The following LHFPL3 variants were observed in gnomAD, a reference collection of about 807,000 sequenced individuals.
LHFPL3 encodes the protein LHFPL tetraspan subfamily member 3, also known as LHFPL tetraspan subfamily member 3 protein.
In LHFPL3, 5 loss-of-function variants were observed where a neutral mutation model predicts 19.3. That is an observed-to-expected ratio of 0.26 (90% CI 0.14 to 0.54). LHFPL3 has a LOEUF of 0.54. Among genes scored for constraint, LHFPL3 ranks in the 20% least tolerant of loss-of-function variants. The pLI is 0.94. For missense variants in LHFPL3, 249 were observed against 307.4 expected, an observed-to-expected ratio of 0.81 and a Z score of 1.42; for synonymous variants, 133 against 126.2, an observed-to-expected ratio of 1.05 and a Z score of -0.36.
At chr7:104,670,119 G>T (rs1792444326) in intron 1 of LHFPL3, among the ~76,000 whole-genome samples, 1 of 150,898 alleles carries the variant, frequency 6.6e-6, no homozygotes, top group Non-Finnish European at 1.5e-5. Flanking sequence ...AGTTTTGGGG[G>T]ACAGCCTAGA....
chr7:104,649,338 C>T (rs73181817), intron 1 of LHFPL3, among the ~76,000 whole-genome samples: 6,005 of 152,264 alleles, frequency 0.039, 137 homozygotes, highest in Middle Eastern at 0.054. Flanking sequence ...AGGAATCATG[C>T]GGTCCCACCA....
chr7:104,834,205 C>G (rs1403968370), intron 2 of LHFPL3, among the ~76,000 whole-genome samples: 1 of 151,624 alleles, frequency 6.6e-6, no homozygotes, highest in Non-Finnish European at 1.5e-5. Flanking sequence ...TGGCAATACC[C>G]TCACAGACAC....
At chr7:104,850,628 C>G (rs1346252819) in intron 2 of LHFPL3, among the ~76,000 whole-genome samples, 1 of 152,196 alleles carries the variant, frequency 6.6e-6, no homozygotes, top group African/African-American at 2.4e-5. Context: ...TTGTTCCAAA[C>G]TAGTGGTTCT....
chr7:104,735,344 T>G (rs1241128898), intron 1 of LHFPL3, among the ~76,000 whole-genome samples: 1 of 152,252 alleles, frequency 6.6e-6, no homozygotes, highest in Non-Finnish European at 1.5e-5. Flanking sequence ...GCAGGCCTCC[T>G]TGAGCTGCGG....
chr7:104,659,403 T>C (rs1792181148), intron 1 of LHFPL3, among the ~76,000 whole-genome samples: 1 of 152,152 alleles, frequency 6.6e-6, no homozygotes, highest in Admixed American at 6.5e-5. Context: ...GATCCAGACT[T>C]CCATTGTTGT....
intron 1 of LHFPL3, among the ~76,000 whole-genome samples, chr7:104,728,563 T>C (rs564109470): frequency 6.6e-6 from 1 of 152,286 alleles, no homozygotes; most frequent in East Asian, 1.9e-4. Context: ...ATATCACTTG[T>C]CTAGTTTTCA....
chr7:104,686,163 TTACC>T (rs1235292936), intron 1 of LHFPL3, among the ~76,000 whole-genome samples: 1 of 152,176 alleles, frequency 6.6e-6, no homozygotes, highest in Admixed American at 6.5e-5. Context: ...AGAGGTCCTG[TTACC>T]TACCTCAGAA....
chr7:104,632,368 A>G (rs1791659483), intron 1 of LHFPL3, among the ~76,000 whole-genome samples: 1 of 152,186 alleles, frequency 6.6e-6, no homozygotes, highest in Admixed American at 6.6e-5. Flanking sequence ...TTCAGGATGT[A>G]GACGTTGTTA....
At chr7:104,894,248 G>A (rs950440894) in intron 2 of LHFPL3, among the ~76,000 whole-genome samples, 4 of 152,138 alleles carry the variant, frequency 2.6e-5, no homozygotes, top group Admixed American at 1.3e-4. Context: ...TACCTGCCCC[G>A]TAACGGTATT....
At chr7:104,603,066 T>TTCTTTCTTTCTTTC (rs1453775700) in intron 1 of LHFPL3, among the ~76,000 whole-genome samples, 2 of 108,904 alleles carry the variant, frequency 1.8e-5, no homozygotes, top group East Asian at 3.3e-4. Context: ...CTTTCTTTCT[T>TTCTTTCTTTCTTTC]TTTCTTTCTT....
In LHFPL3 at chr7:104,833,418, TA is replaced by T. The variant is rs1562808498; in HGVS notation, c.683-72768del. Among the ~76,000 whole-genome samples the T allele has an allele frequency of 4.7e-3, 24 of 5,078 alleles. 6 individuals carry two copies. The highest frequency in any genetic ancestry group is 9.9e-3 in the African/African-American group (23 of 2,316). 3.3% of individuals were successfully genotyped at this position (5,078 alleles called of 152,430 possible). ...ATATATATTATATATATATATATAA[TA>T]TATATATATATATATGCTCCTCAAG... On this transcript the variant is annotated intron_variant, in intron 2 of 2. Transcript: ENST00000424859.
At chr7:104,798,590 T>C (rs1790178266) in intron 2 of LHFPL3, among the ~76,000 whole-genome samples, 1 of 152,218 alleles carries the variant, frequency 6.6e-6, no homozygotes, top group South Asian at 2.1e-4. Context: ...CATTTCACCT[T>C]ATAATTAGTT....
intron 1 of LHFPL3, among the ~76,000 whole-genome samples, chr7:104,518,850 A>AAATAGATAGAAAG (rs1562923378): frequency 2.7e-4 from 38 of 140,084 alleles, no homozygotes; most frequent in African/African-American, 9.5e-4. Flanking sequence ...TAGATAGAAT[A>AAATAGATAGAAAG]AATAAAAAAA....
chr7:104,669,461 C>G, intron 1 of LHFPL3: 2 of 1,612,874 alleles, frequency 1.2e-6, no homozygotes, highest in Non-Finnish European at 1.7e-6. Flanking sequence ...AGATCTGCAC[C>G]TGAGCCAAAG....
intron 2 of LHFPL3, among the ~76,000 whole-genome samples, chr7:104,866,610 C>A (rs1188229894): frequency 2.0e-5 from 3 of 152,308 alleles, no homozygotes; most frequent in Admixed American, 2.0e-4. Flanking sequence ...GACTTAGACT[C>A]CCACACAATA....
At chr7:104,516,186 G>A (rs1400600692) in intron 1 of LHFPL3, among the ~76,000 whole-genome samples, 1 of 152,052 alleles carries the variant, frequency 6.6e-6, no homozygotes, top group Admixed American at 6.6e-5. Context: ...TTCTTTACAT[G>A]GTGGCATCAA....
rs187266730 is a variant in LHFPL3, at chr7:104,623,268, G to T, written c.446-113407G>T. On this transcript the variant is annotated intron_variant, in intron 1 of 2. Coordinates refer to ENST00000424859, the MANE Select transcript of LHFPL3 (RefSeq NM_199000.3). ...TCTTGATATTCCTCTTTCAATCTGGGCTATGTACCATTTGAAAAAAAAAAA... is the reference window on the plus strand; with the variant it reads ...TCTTGATATTCCTCTTTCAATCTGGTCTATGTACCATTTGAAAAAAAAAAA... 3.7e-3 allele frequency among the ~76,000 whole-genome samples: 560 copies of T among 151,396 alleles called. 3 individuals carry two copies. The highest frequency in any genetic ancestry group is 6.4e-3 in the Non-Finnish European group (435 of 67,858).
chr7:104,550,209 A>G (rs1042673336), intron 1 of LHFPL3, among the ~76,000 whole-genome samples: 3 of 151,956 alleles, frequency 2.0e-5, no homozygotes, highest in African/African-American at 4.8e-5. Context: ...GCTTTACTCA[A>G]AGTCCACCAA....
intron 2 of LHFPL3, among the ~76,000 whole-genome samples, chr7:104,833,041 A>ATTATATATAATAGATATATTATATATC (rs1198175943): frequency 1.1e-3 from 6 of 5,662 alleles, no homozygotes; most frequent in African/African-American, 1.4e-3. Context: ...TTATATATAT[A>ATTATATATAATAGATATATTATATATC]TATTATATAT....
Sources: allele counts gnomAD v4.1 joint callset (sites outside exome capture counted in the v4.1 genomes callset), GRCh38; gene constraint gnomAD v4.1.1; transcripts MANE v1.5; gene names NCBI Gene and HGNC (gene_info 2026-07-23, HGNC 2026-07-21).